The following TENM3 variants were observed in gnomAD, a reference collection of about 807,000 sequenced individuals.
TENM3 encodes teneurin-3.
In TENM3, 63 loss-of-function variants were observed where a neutral mutation model predicts 255.1. The ratio of observed to expected loss-of-function variants is 0.25; its 90% confidence interval spans 0.20 to 0.30. The LOEUF (loss-of-function observed/expected upper bound fraction) is 0.30, where lower values mean the gene tolerates loss of function less well. TENM3 is among the 10% of genes least tolerant of loss of function. The probability of loss-of-function intolerance (pLI) is 1.00; values close to 1 mark genes in which losing one functional copy is unlikely to be tolerated. For missense variants in TENM3, 2,929 were observed against 3,461.1 expected (o/e 0.85, Z 3.86); for synonymous variants, 1,306 against 1,322.3 (o/e 0.99, Z 0.27).
chr4:182,255,085 T>C (rs1331318148), intron 1 of TENM3, among the ~76,000 whole-genome samples: 1 of 152,218 alleles, frequency 6.6e-6, no homozygotes, highest in Non-Finnish European at 1.5e-5. Flanking sequence ...GGAGCCAGTT[T>C]CTACCCTAAA....
At position 182,800,641 on chromosome 4, in the gene TENM3, G is replaced by T. The variant is rs989533431; in HGVS notation, c.*290G>T. ...CAAAGGCCTCGACCTGTTGCGCTGG[G>T]CCGTCTGTTCCTTCTAGGCACTGTA... On this transcript the variant is annotated 3_prime_UTR_variant, in exon 28 of 28. Transcript: ENST00000511685. 1.3e-5 allele frequency: 4 copies of T among 318,696 alleles called. No homozygotes were observed. Among genetic ancestry groups the T allele is most frequent in the Non-Finnish European group, 2.3e-5 (4 of 172,922 alleles). 19.7% of individuals were successfully genotyped at this position (318,696 alleles called of 1,614,324 possible). A position where few individuals can be genotyped will look rare whatever the true frequency, so the allele number is the denominator to read the frequency against.
At chr4:182,773,674 A>T (rs1467144160) in intron 23 of TENM3, 27 bp downstream of exon 23, 1 of 1,594,666 alleles carries the variant, frequency 6.3e-7, no homozygotes. Flanking sequence ...CATTTTAAAC[A>T]AGTACCACCA....
intron 1 of TENM3, among the ~76,000 whole-genome samples, chr4:182,184,378 A>G (rs1447265877): frequency 1.3e-5 from 2 of 152,280 alleles, no homozygotes; most frequent in East Asian, 3.9e-4. Flanking sequence ...ATAAAATCTT[A>G]TGAAAGCACC....
chr4:182,692,146 G>C (rs1468772562), intron 12 of TENM3, among the ~76,000 whole-genome samples: 4 of 152,194 alleles, frequency 2.6e-5, no homozygotes, highest in Non-Finnish European at 5.9e-5. Context: ...TGAGAGTTGA[G>C]GTAGGTCAGA....
intron 1 of TENM3, among the ~76,000 whole-genome samples, chr4:182,234,774 C>T (rs1756793385): frequency 6.6e-6 from 1 of 152,000 alleles, no homozygotes; most frequent in East Asian, 1.9e-4. Context: ...AAAACACAGT[C>T]GTTATTCTCA....
At chr4:182,070,406 G>T in the TENM3 span, among the ~76,000 whole-genome samples, 1 of 152,178 alleles carries the variant, frequency 6.6e-6, no homozygotes, top group Non-Finnish European at 1.5e-5. Flanking sequence ...ATCACTCGAG[G>T]TCGGGAGTTC....
the TENM3 span, among the ~76,000 whole-genome samples, chr4:181,755,817 G>A: frequency 6.6e-6 from 1 of 151,818 alleles, no homozygotes; most frequent in Admixed American, 6.6e-5. Context: ...AGGTTTGTTG[G>A]GTCTTGATGA....
At chr4:182,717,974 C>T (rs2152686233) in intron 13 of TENM3, among the ~76,000 whole-genome samples, 1 of 152,164 alleles carries the variant, frequency 6.6e-6, no homozygotes, top group South Asian at 2.1e-4. Flanking sequence ...GACTGTTAAC[C>T]ACAGTCTTCG....
At chr4:181,760,398 C>T in the TENM3 span, among the ~76,000 whole-genome samples, 1 of 152,132 alleles carries the variant, frequency 6.6e-6, no homozygotes, top group Non-Finnish European at 1.5e-5. Context: ...CCCTAATTCC[C>T]TTTATTTGCA....
At chr4:182,229,916 C>T (rs1488091718) in intron 1 of TENM3, among the ~76,000 whole-genome samples, 9 of 152,074 alleles carry the variant, frequency 5.9e-5, no homozygotes, top group Admixed American at 3.9e-4. Context: ...TTAGTTATCT[C>T]AACAGGTGGT....
chr4:181,868,471 CATT>C, the TENM3 span, among the ~76,000 whole-genome samples: 1 of 152,106 alleles, frequency 6.6e-6, no homozygotes. Context: ...AACTAATTGG[CATT>C]ATCTCACCTT....
At chr4:181,931,791 A>G in the TENM3 span, among the ~76,000 whole-genome samples, 1 of 152,226 alleles carries the variant, frequency 6.6e-6, no homozygotes, top group African/African-American at 2.4e-5. Context: ...AGTAACCAAA[A>G]CAGCATGGTA....
chr4:181,896,738 G>A, the TENM3 span, among the ~76,000 whole-genome samples: 3 of 152,134 alleles, frequency 2.0e-5, no homozygotes, highest in Non-Finnish European at 4.4e-5. Flanking sequence ...TAGGTGTTCC[G>A]AAGGAATGCT....
intron 1 of TENM3, among the ~76,000 whole-genome samples, chr4:182,293,567 C>T (rs532617707): frequency 6.6e-6 from 1 of 152,284 alleles, no homozygotes; most frequent in East Asian, 1.9e-4. Flanking sequence ...TTCCACCTTT[C>T]AAAGGAATCC....
chr4:181,905,292 C>T, the TENM3 span, among the ~76,000 whole-genome samples: 3 of 152,122 alleles, frequency 2.0e-5, no homozygotes, highest in African/African-American at 7.2e-5. Context: ...AGCAGATGTG[C>T]TTTGTTTACA....
chr4:182,623,305 G>A (rs1364250337), intron 4 of TENM3, among the ~76,000 whole-genome samples: 1 of 140,986 alleles, frequency 7.1e-6, no homozygotes, highest in Non-Finnish European at 1.5e-5. Context: ...GAGCCACCAC[G>A]TCTGACCCTA....
rs1439606566 is a variant in TENM3, at chr4:182,763,963, G to GT, written c.4892+8710dup. Among the ~76,000 whole-genome samples, 6 of 152,312 alleles carry GT rather than the reference G, an allele frequency of 3.9e-5. No homozygotes were observed. The East Asian group carries it at 1.2e-3, about 29-fold the overall frequency. ...CTTACTAATTTAATAAAGATTTCTA[G>GT]TTTTTTAACTTAATGTTTAAAGTGT... On this transcript the variant is annotated intron_variant, in intron 22 of 27. Transcript: ENST00000511685.
chr4:181,932,664 G>T, the TENM3 span, among the ~76,000 whole-genome samples: 12 of 152,128 alleles, frequency 7.9e-5, no homozygotes, highest in Non-Finnish European at 1.6e-4. Flanking sequence ...CCATTACTGG[G>T]TGTATACCCA....
In TENM3 at chr4:182,679,791, G is replaced by C. The variant is rs765123483; in HGVS notation, c.1452G>C (p.Gln484His). Residue 484 changes from glutamine (Q) to histidine (H), a missense_variant, in exon 8 of 28, where the codon CAG becomes CAC. By Grantham distance (24) the Gln-to-His change is conservative (BLOSUM62 0). Around this residue, in one of 6 missense-constraint regions of TENM3, gnomAD observed 1,608 missense variants for 1,884.4 expected, o/e 0.85. Transcript: ENST00000511685. ...SVSLHEAGFI[Q>H]YLDSGIWHLA... ...GCCTTCATGAGGCCGGCTTTATCCA[G>C]TACTTGGATTCTGGAATCTGGCATC... 1 of 1,613,880 alleles carries C rather than the reference G, an allele frequency of 6.2e-7. No homozygotes were observed. Among genetic ancestry groups the C allele is most frequent in the Non-Finnish European group, 8.5e-7 (1 of 1,179,902 alleles).
Sources: allele counts gnomAD v4.1 joint callset (sites outside exome capture counted in the v4.1 genomes callset), GRCh38; gene constraint gnomAD v4.1.1; regional missense constraint gnomAD v4.1.1; transcripts MANE v1.5; gene names NCBI Gene and HGNC (gene_info 2026-07-23, HGNC 2026-07-21).